The following RASA3 variants were observed in gnomAD, a reference collection of about 807,000 sequenced individuals.
RASA3 encodes ras GTPase-activating protein 3.
Under a neutral mutation model 110.0 loss-of-function variants are expected in RASA3, and 73 were observed. The observed-to-expected ratio is 0.66, with a 90% CI of 0.55 to 0.81. RASA3 has a LOEUF of 0.81. Among genes scored for constraint, RASA3 ranks in the 30% least tolerant of loss-of-function variants. The pLI is 0.00. For synonymous variants in RASA3, 500 were observed against 451.4 expected (o/e 1.11, Z -1.37); for missense variants, 976 against 1,113.2 (o/e 0.88, Z 1.75).
intron 21 of RASA3, among the ~76,000 whole-genome samples, chr13:113,992,846 T>C (rs2053151335): frequency 6.6e-6 from 1 of 152,198 alleles, no homozygotes; most frequent in African/African-American, 2.4e-5. Flanking sequence ...TCTGCTTCAG[T>C]TACCATTGGC....
chr13:114,060,277 A>C (rs573783519), intron 2 of RASA3, among the ~76,000 whole-genome samples: 5 of 152,312 alleles, frequency 3.3e-5, no homozygotes, highest in South Asian at 4.1e-4. Context: ...TGCAGAGCAG[A>C]CATTTCACCA....
intron 1 of RASA3, among the ~76,000 whole-genome samples, chr13:114,129,598 G>A (rs575931640): frequency 6.6e-6 from 1 of 152,294 alleles, no homozygotes; most frequent in African/African-American, 2.4e-5. Context: ...CCCCAGAAAT[G>A]TGCTGGCTTT....
intron 22 of RASA3, among the ~76,000 whole-genome samples, chr13:113,991,605 T>C (rs2053114847): frequency 6.6e-6 from 1 of 152,234 alleles, no homozygotes; most frequent in East Asian, 1.9e-4. Flanking sequence ...CTAACTGGGC[T>C]TATCTGGATT....
chr13:113,980,539 A>T (rs2052909944), intron 23 of RASA3, among the ~76,000 whole-genome samples: 1 of 152,028 alleles, frequency 6.6e-6, no homozygotes, highest in Non-Finnish European at 1.5e-5. Flanking sequence ...CTACTACAAC[A>T]AACAGCATCA....
At chr13:114,105,547 G>T (rs948456552) in intron 1 of RASA3, among the ~76,000 whole-genome samples, 1 of 152,184 alleles carries the variant, frequency 6.6e-6, no homozygotes, top group Non-Finnish European at 1.5e-5. Flanking sequence ...AGGGACCACC[G>T]GCATCGAAGC....
At chr13:114,036,991 T>G (rs960467243) in intron 4 of RASA3, among the ~76,000 whole-genome samples, 1 of 152,164 alleles carries the variant, frequency 6.6e-6, no homozygotes, top group Non-Finnish European at 1.5e-5. Flanking sequence ...TCCTCCCTTT[T>G]AGACAACAGC....
intron 21 of RASA3, among the ~76,000 whole-genome samples, chr13:113,995,033 T>C (rs1204675018): frequency 6.6e-6 from 1 of 152,182 alleles, no homozygotes; most frequent in Non-Finnish European, 1.5e-5. Flanking sequence ...GCTGTGGGTG[T>C]GCGGGATAGG....
Position 114,021,267 on chromosome 13 carries a change from T to C in RASA3, c.785+137A>G, listed in dbSNP as rs987107799. 2.6e-5 allele frequency: 18 copies of C among 697,878 alleles called. No individual in the cohort carries two copies. The South Asian group carries it at 3.3e-4, about 13-fold the overall frequency. The allele number at this position is 697,878 out of a possible 1,614,324, so 43.2% of individuals were successfully genotyped here. ...CAAGCCAGAGCTCGTCAGAGCTACA[T>C]GCAAAGTAAGAGCAGGTGGGTGCTG... is the stretch of plus-strand genomic sequence containing the variant. On this transcript the variant is annotated intron_variant, in intron 9 of 23. Transcript: ENST00000334062.
intron 4 of RASA3, among the ~76,000 whole-genome samples, chr13:114,036,550 T>C (rs549901126): frequency 2.8e-4 from 42 of 152,112 alleles, no homozygotes; most frequent in Admixed American, 2.6e-4. Context: ...TCTTCTTCTT[T>C]TTTTGAGATG....
At position 114,048,282 on chromosome 13, in the gene RASA3, TC is replaced by T. The variant is rs2079085882; in HGVS notation, c.277+3769del. Among the ~76,000 whole-genome samples the T allele has an allele frequency of 6.9e-6, 1 of 145,640 alleles. No homozygotes were observed. The highest frequency in any genetic ancestry group is 2.6e-5 in the African/African-American group (1 of 38,782). On this transcript the variant is annotated intron_variant, in intron 3 of 23. Transcript: ENST00000334062. The surrounding 1 kb of genome is among the most constrained non-coding windows in gnomAD (Gnocchi z 4.3). Reference sequence around the variant, plus strand: ...GTGAGCCGAGATCGCGCCACTGCCCTCCAGCCTGGGCGACAGAAAGAGACTC... The same window carrying T: ...GTGAGCCGAGATCGCGCCACTGCCCTCAGCCTGGGCGACAGAAAGAGACTC...
chr13:114,016,120 C>CA, intron 13 of RASA3, 77 bp downstream of exon 13: 3 of 1,348,984 alleles, frequency 2.2e-6, no homozygotes, highest in East Asian at 4.7e-5. Flanking sequence ...CGGGGTGAGT[C>CA]AGAGCTTCCA....
At chr13:114,075,287 C>A (rs1487724829) in intron 1 of RASA3, among the ~76,000 whole-genome samples, 1 of 152,224 alleles carries the variant, frequency 6.6e-6, no homozygotes, top group East Asian at 1.9e-4. Flanking sequence ...TCACATGGGG[C>A]AGTCGGCTCA....
chr13:114,015,668 G>A lies in RASA3; in HGVS notation c.1282-336C>T, dbSNP rs543798025. Among the ~76,000 whole-genome samples the A allele has an allele frequency of 1.2e-4, 18 of 152,372 alleles. No homozygotes were observed. The South Asian group carries it at 3.7e-3, about 32-fold the overall frequency. On this transcript the variant is annotated intron_variant, in intron 13 of 23. Transcript: ENST00000334062. ...CAGAAATGACGAAACAGCACGCTCT[G>A]CAAGAAGTATCATGTGAAGTGACTA...
chr13:114,030,823 C>G (rs62637665), intron 4 of RASA3, among the ~76,000 whole-genome samples: 20,659 of 151,304 alleles, frequency 0.14, 1,776 homozygotes, highest in Middle Eastern at 0.2. Context: ...GTCTGTGCAT[C>G]TGGCTGTGTG....
chr13:114,129,670 C>T (rs1278125110), intron 1 of RASA3, among the ~76,000 whole-genome samples: 3 of 152,190 alleles, frequency 2.0e-5, no homozygotes, highest in Non-Finnish European at 2.9e-5. Flanking sequence ...AATTCTTGTT[C>T]TGGGAGTGAG....
At chr13:114,117,388 G>C (rs1342477463) in intron 1 of RASA3, among the ~76,000 whole-genome samples, 20 of 146,850 alleles carry the variant, frequency 1.4e-4, no homozygotes, top group African/African-American at 3.1e-4. Context: ...GGGAGCACGT[G>C]TGTGAGGGGA....
rs144716912 is a variant in RASA3, at chr13:114,057,978, C to T, written c.174-5823G>A. On this transcript the variant is annotated intron_variant, in intron 2 of 23. Coordinates refer to ENST00000334062, the MANE Select transcript of RASA3 (RefSeq NM_007368.4). The surrounding 1 kb of genome is among the most constrained non-coding windows in gnomAD (Gnocchi z 5.0). ...GGCTGAGGCCCTGGGAGGTCGGAGT[C>T]CCGGAGGTGGGTGGGGGTGGTGAGT... Among the ~76,000 whole-genome samples the T allele has an allele frequency of 3.3e-4, 51 of 152,240 alleles. No homozygotes were observed. The highest frequency in any genetic ancestry group is 5.9e-4 in the Non-Finnish European group (40 of 67,996).
chr13:114,030,800 T>C (rs962823147), intron 4 of RASA3, among the ~76,000 whole-genome samples: 1 of 151,538 alleles, frequency 6.6e-6, no homozygotes, highest in Non-Finnish European at 1.5e-5. Context: ...CACCTGTATG[T>C]GTGTCCGCCT....
intron 1 of RASA3, among the ~76,000 whole-genome samples, chr13:114,083,176 A>C (rs1212521326): frequency 6.6e-6 from 1 of 152,264 alleles, no homozygotes; most frequent in East Asian, 1.9e-4. Flanking sequence ...ACTTTGTTGA[A>C]TCAGGTGAAG....
Sources: allele counts gnomAD v4.1 joint callset (sites outside exome capture counted in the v4.1 genomes callset), GRCh38; gene constraint gnomAD v4.1.1; non-coding constraint Gnocchi (gnomAD v3.1); transcripts MANE v1.5; gene names NCBI Gene and HGNC (gene_info 2026-07-23, HGNC 2026-07-21).